SCLT1: variants seen among roughly 807,000 people sequenced by gnomAD.
SCLT1 encodes sodium channel and clathrin linker 1, also known as sodium channel-associated protein 1.
SCLT1 carries 78 observed loss-of-function variants against 112.8 expected under a neutral mutation model. That is an observed-to-expected ratio of 0.69 (90% confidence interval 0.58 to 0.83). The LOEUF (loss-of-function observed/expected upper bound fraction) is 0.83, where lower values mean the gene tolerates loss of function less well. SCLT1 is among the 40% of genes least tolerant of loss of function. SCLT1 has a pLI of 0.00. For missense variants in SCLT1, 747 were observed against 770.4 expected, an observed-to-expected ratio of 0.97 and a Z score of 0.36; for synonymous variants, 257 against 254.7, an observed-to-expected ratio of 1.01 and a Z score of -0.09.
chr4:129,058,190 C>CT (rs748720052), intron 2 of SCLT1, among the ~76,000 whole-genome samples: 20 of 152,046 alleles, frequency 1.3e-4, no homozygotes, highest in Admixed American at 4.6e-4. Flanking sequence ...TTTTGTTGAT[C>CT]TTTTGTATTG....
At chr4:128,923,528 C>A (rs1736045226) in intron 18 of SCLT1, among the ~76,000 whole-genome samples, 1 of 151,850 alleles carries the variant, frequency 6.6e-6, no homozygotes, top group Non-Finnish European at 1.5e-5. Flanking sequence ...ACTGCCCCAC[C>A]CCTCAAATCC....
At chr4:128,992,931 T>C (rs1476164685) in intron 8 of SCLT1, among the ~76,000 whole-genome samples, 1 of 152,004 alleles carries the variant, frequency 6.6e-6, no homozygotes, top group African/African-American at 2.4e-5. Context: ...TCCATGATGA[T>C]ACAAATTCCT....
chr4:128,983,003 C>G (rs950711680), intron 9 of SCLT1, among the ~76,000 whole-genome samples: 1 of 152,172 alleles, frequency 6.6e-6, no homozygotes, highest in Non-Finnish European at 1.5e-5. Context: ...ATTCTCCTGC[C>G]TCAGCTTCCC....
intron 2 of SCLT1, among the ~76,000 whole-genome samples, chr4:129,051,486 C>T (rs189366268): frequency 9.9e-5 from 15 of 152,234 alleles, no homozygotes; most frequent in Admixed American, 2.0e-4. Flanking sequence ...CTCTTTATAA[C>T]AATTGTGAAT....
chr4:128,999,908 G>A, intron 6 of SCLT1, 114 bp from the exon 7 acceptor site: 1 of 587,936 alleles, frequency 1.7e-6, no homozygotes, highest in East Asian at 3.2e-5. Context: ...AAATAAAATA[G>A]AACTGTGTAA....
At chr4:129,081,214 C>T (rs1028270931) in intron 2 of SCLT1, among the ~76,000 whole-genome samples, 2 of 152,160 alleles carry the variant, frequency 1.3e-5, no homozygotes, top group Non-Finnish European at 2.9e-5. Context: ...GAATGACTCA[C>T]GAGTTCTCCC....
chr4:129,001,521 T>C (rs1026077610), intron 6 of SCLT1, among the ~76,000 whole-genome samples: 1 of 152,100 alleles, frequency 6.6e-6, no homozygotes, highest in Non-Finnish European at 1.5e-5. Flanking sequence ...TTATAATGAA[T>C]ATATTTATTC....
intron 5 of SCLT1, among the ~76,000 whole-genome samples, chr4:129,021,841 G>A (rs1745505854): frequency 6.6e-6 from 1 of 152,222 alleles, no homozygotes; most frequent in Admixed American, 6.5e-5. Flanking sequence ...ACTATCTCAA[G>A]TGGGTCCCTG....
chr4:129,036,269 C>T (rs1389833028), intron 5 of SCLT1, among the ~76,000 whole-genome samples: 2 of 151,956 alleles, frequency 1.3e-5, no homozygotes, highest in Admixed American at 1.3e-4. Context: ...TGAGACATGA[C>T]TGAATTACCG....
At chr4:128,978,725 G>T (rs1741397760) in intron 9 of SCLT1, among the ~76,000 whole-genome samples, 2 of 152,086 alleles carry the variant, frequency 1.3e-5, no homozygotes, top group Non-Finnish European at 2.9e-5. Flanking sequence ...ATAGGAAGAA[G>T]AAAGTATCTG....
At chr4:128,973,618 T>A (rs918953684) in intron 9 of SCLT1, among the ~76,000 whole-genome samples, 1 of 152,092 alleles carries the variant, frequency 6.6e-6, no homozygotes, top group Non-Finnish European at 1.5e-5. Flanking sequence ...GTGTGAAAAA[T>A]TCTAGAAAAA....
intron 5 of SCLT1, among the ~76,000 whole-genome samples, chr4:129,018,850 G>T (rs2126117623): frequency 6.6e-6 from 1 of 152,058 alleles, no homozygotes; most frequent in Non-Finnish European, 1.5e-5. Flanking sequence ...GTTATGCCAG[G>T]TACAACACGA....
intron 3 of SCLT1, among the ~76,000 whole-genome samples, chr4:128,878,282 G>GGCTT (rs1160043823): frequency 6.6e-6 from 1 of 152,000 alleles, no homozygotes; most frequent in Non-Finnish European, 1.5e-5. Flanking sequence ...ACTACTACTT[G>GGCTT]GCTTATATAT....
intron 2 of SCLT1, among the ~76,000 whole-genome samples, chr4:129,063,287 G>A (rs1031485900): frequency 6.6e-6 from 1 of 152,206 alleles, no homozygotes; most frequent in African/African-American, 2.4e-5. Context: ...TTTACTGACT[G>A]GCTTTGGGAA....
chr4:129,072,688 A>G lies in SCLT1; in HGVS notation c.102+9618T>C, dbSNP rs549954934. Among the ~76,000 whole-genome samples the G allele has an allele frequency of 2.6e-5, 4 of 152,240 alleles. No homozygotes were observed. In the East Asian group the frequency reaches 7.7e-4, roughly 29 times the overall value. On this transcript the variant is annotated intron_variant, in intron 2 of 20. Coordinates refer to ENST00000281142, the MANE Select transcript of SCLT1 (RefSeq NM_144643.4). ...TTCTTCAAGCTATCTATTTCCTTGA[A>G]TATTTCTCCCTTCACTTCTTGTCTC... is the stretch of plus-strand genomic sequence containing the variant.
intron 5 of SCLT1, among the ~76,000 whole-genome samples, chr4:129,025,466 G>A (rs1220397506): frequency 6.6e-6 from 1 of 152,098 alleles, no homozygotes; most frequent in African/African-American, 2.4e-5. Flanking sequence ...ATAAGTGAAG[G>A]AGAAATAAAA....
rs1326799160 is a variant in SCLT1, at chr4:129,003,778, A to C, written c.389T>G (p.Val130Gly). ...GTDIYADDET[V>G]RNLQEQLQLA... ...CTGCAATTGTTCTTGAAGGTTTCTG[A>C]CTGTTTCATCATCTGCATATATGTC... The change falls in exon 6 of 21, where the codon GTC (valine) becomes GGC (glycine). Residue 130 changes from valine (V) to glycine (G), a missense_variant. By Grantham distance (109) the Val-to-Gly change is moderately radical. Coordinates refer to ENST00000281142, the MANE Select transcript of SCLT1 (RefSeq NM_144643.4). The C allele has an allele frequency of 6.2e-7, 1 of 1,610,610 alleles. No homozygotes were observed. The highest frequency in any genetic ancestry group is 8.5e-7 in the Non-Finnish European group (1 of 1,178,712).
rs756339402 is a variant in SCLT1 at position 128,957,043 on chromosome 4, T to C, written c.1129A>G (p.Ile377Val). The C allele has an allele frequency of 3.2e-6, 5 of 1,571,366 alleles. No homozygotes were observed. Among genetic ancestry groups the C allele is most frequent in the South Asian group, 1.2e-5 (1 of 84,320 alleles). ...TVSRFVQDAT[I>V]RTKKEVANTK... Reference sequence around the variant, plus strand: ...ATCCTTACTTCTTTCTTGGTTCTTATGGTAGCATCTTGTACAAACCGAGAA... The same window carrying C: ...ATCCTTACTTCTTTCTTGGTTCTTACGGTAGCATCTTGTACAAACCGAGAA... The change falls in exon 13 of 21, where the codon ATA becomes GTA. Residue 377 changes from isoleucine (I) to valine (V), a missense_variant. By Grantham distance (29) the Ile-to-Val change is conservative (BLOSUM62 3). Coordinates refer to ENST00000281142, the MANE Select transcript of SCLT1 (RefSeq NM_144643.4).
At chr4:129,058,488 A>G (rs927888907) in intron 2 of SCLT1, among the ~76,000 whole-genome samples, 2 of 152,162 alleles carry the variant, frequency 1.3e-5, no homozygotes, top group Admixed American at 1.3e-4. Context: ...ATTCAAGAGC[A>G]TGTTGTTTAA....
Sources: allele counts gnomAD v4.1 joint callset (sites outside exome capture counted in the v4.1 genomes callset), GRCh38; gene constraint gnomAD v4.1.1; transcripts MANE v1.5; gene names NCBI Gene and HGNC (gene_info 2026-07-23, HGNC 2026-07-21).